ENPP6: variants seen among roughly 807,000 people sequenced by gnomAD.
ENPP6 encodes the protein ectonucleotide pyrophosphatase/phosphodiesterase 6.
ENPP6 carries 32 observed loss-of-function variants against 42.0 expected under a neutral mutation model. The observed-to-expected ratio is 0.76, with a 90% confidence interval of 0.58 to 1.02. The LOEUF is 1.02. Among genes scored for constraint, ENPP6 ranks in the 50% least tolerant of loss-of-function variants. The pLI, the probability that ENPP6 is intolerant of heterozygous loss-of-function variation, is 0.00. For synonymous variants in ENPP6, 213 were observed against 216.0 expected, an observed-to-expected ratio of 0.99 and a Z score of 0.12; for missense variants, 552 against 566.8, an observed-to-expected ratio of 0.97 and a Z score of 0.27.
chr4:184,120,836 G>T (rs769325858), intron 3 of ENPP6, among the ~76,000 whole-genome samples: 1 of 152,170 alleles, frequency 6.6e-6, no homozygotes, highest in South Asian at 2.1e-4. Context: ...ACTCCCTGTC[G>T]CTGTCTCAAT....
chr4:184,091,509 T>C (rs1440486989), intron 7 of ENPP6, 127 bp from the exon 8 acceptor site: 1 of 845,060 alleles, frequency 1.2e-6, no homozygotes, highest in Admixed American at 2.7e-5. Flanking sequence ...GCTCCATCAG[T>C]GGGGTGTGGC....
chr4:184,149,581 G>T (rs1736988502), intron 2 of ENPP6, among the ~76,000 whole-genome samples: 1 of 152,114 alleles, frequency 6.6e-6, no homozygotes, highest in Non-Finnish European at 1.5e-5. Flanking sequence ...GAAGAGCCCA[G>T]ACCCACACCC....
At chr4:184,131,178 T>C (rs1736609712) in intron 2 of ENPP6, among the ~76,000 whole-genome samples, 2 of 61,132 alleles carry the variant, frequency 3.3e-5, no homozygotes, top group Non-Finnish European at 3.4e-5. Context: ...TCTTTCTTTC[T>C]TTCTTTCTTT....
At chr4:184,209,266 C>T (rs1055637094) in intron 1 of ENPP6, among the ~76,000 whole-genome samples, 23 of 150,580 alleles carry the variant, frequency 1.5e-4, no homozygotes, top group African/African-American at 4.9e-4. Flanking sequence ...GAGAAGAAGG[C>T]TTCAGACGAT....
rs144106261 is a variant in ENPP6 at position 184,163,769 on chromosome 4, C to T, written c.242-10036G>A. Among the ~76,000 whole-genome samples the T allele has an allele frequency of 5.5e-3, 841 of 152,240 alleles. 12 individuals are homozygous for T. Among genetic ancestry groups the T allele is most frequent in the African/African-American group, 0.019 (781 of 41,536 alleles). Reference sequence around the variant, plus strand: ...TTTCTCTGAGGCCTATGTGTGTTTCCGTCAGGCGACAGTGGTTGTGTCTAC... The same window carrying T: ...TTTCTCTGAGGCCTATGTGTGTTTCTGTCAGGCGACAGTGGTTGTGTCTAC... On this transcript the variant is annotated intron_variant, in intron 1 of 7. Transcript: ENST00000296741.
chr4:184,143,008 C>A (rs1004911019), intron 2 of ENPP6, among the ~76,000 whole-genome samples: 6 of 152,164 alleles, frequency 3.9e-5, no homozygotes, highest in African/African-American at 1.4e-4. Context: ...TGCCTCATGA[C>A]CTTCTCAATC....
chr4:184,118,264 G>C (rs572952947), intron 3 of ENPP6, among the ~76,000 whole-genome samples: 4 of 152,282 alleles, frequency 2.6e-5, no homozygotes, highest in African/African-American at 9.6e-5. Flanking sequence ...CTGTTTAGGT[G>C]TCCACACTTC....
chr4:184,190,920 G>A (rs916560862), intron 1 of ENPP6, among the ~76,000 whole-genome samples: 5 of 152,184 alleles, frequency 3.3e-5, no homozygotes, highest in Non-Finnish European at 7.3e-5. Flanking sequence ...CTCAACCCCA[G>A]AAGCGCTTAT....
intron 1 of ENPP6, among the ~76,000 whole-genome samples, chr4:184,177,125 G>T (rs1045579904): frequency 7.2e-5 from 11 of 152,284 alleles, no homozygotes; most frequent in Admixed American, 4.6e-4. Context: ...GAGTTCACAG[G>T]GGGAGGGGTT....
chr4:184,185,041 CAA>C (rs1292350639), intron 1 of ENPP6, among the ~76,000 whole-genome samples: 2 of 152,100 alleles, frequency 1.3e-5, no homozygotes, highest in African/African-American at 4.8e-5. Context: ...GAGAGATAAT[CAA>C]AGAATTTTCT....
chr4:184,153,883 T>C (rs1737106963), intron 1 of ENPP6, 150 bp from the exon 2 acceptor site: 1 of 938,460 alleles, frequency 1.1e-6, no homozygotes. Flanking sequence ...AAATCAGATT[T>C]TTTTTTCTTA....
chr4:184,169,573 C>T (rs916959640), intron 1 of ENPP6, among the ~76,000 whole-genome samples: 1 of 152,230 alleles, frequency 6.6e-6, no homozygotes, highest in African/African-American at 2.4e-5. Context: ...GCCGTCATCA[C>T]GTTTCTGGCC....
At position 184,175,325 on chromosome 4, in the gene ENPP6, A is replaced by G. The variant is rs1052844839; in HGVS notation, c.242-21592T>C. 8.7e-4 allele frequency among the ~76,000 whole-genome samples: 132 copies of G among 152,302 alleles called. 1 individual carries two copies. Among genetic ancestry groups the G allele is most frequent in the African/African-American group, 3.0e-3 (126 of 41,574 alleles). ...CTTAAAAATCAGTACAGGGCCATAA[A>G]TCACATGATTTTTTCCCTCTTAGAG... is the stretch of plus-strand genomic sequence containing the variant. On this transcript the variant is annotated intron_variant, in intron 1 of 7. Transcript: ENST00000296741.
intron 2 of ENPP6, among the ~76,000 whole-genome samples, chr4:184,143,357 C>G (rs1415559754): frequency 6.6e-6 from 1 of 152,222 alleles, no homozygotes; most frequent in Non-Finnish European, 1.5e-5. Context: ...TTCTGAGCCA[C>G]TCATAGGAAG....
intron 1 of ENPP6, among the ~76,000 whole-genome samples, chr4:184,189,857 G>T (rs575527619): frequency 2.5e-4 from 38 of 152,302 alleles, no homozygotes; most frequent in African/African-American, 6.7e-4. Flanking sequence ...AGAGGAGCGA[G>T]CCAGCCAGAG....
intron 1 of ENPP6, among the ~76,000 whole-genome samples, chr4:184,216,406 T>TC (rs1466195477): frequency 2.6e-5 from 4 of 152,208 alleles, no homozygotes; most frequent in Admixed American, 1.3e-4. Context: ...GAAGTATCTC[T>TC]CCCCTTCAGT....
intron 6 of ENPP6, among the ~76,000 whole-genome samples, chr4:184,110,759 A>T (rs911060359): frequency 6.6e-6 from 1 of 152,168 alleles, no homozygotes; most frequent in African/African-American, 2.4e-5. Context: ...CAATCCTGGA[A>T]TTGCCTGCCT....
At chr4:184,217,451 C>G in intron 1 of ENPP6, 128 bp downstream of exon 1, 2 of 1,305,732 alleles carry the variant, frequency 1.5e-6, no homozygotes, top group East Asian at 2.4e-5. Flanking sequence ...TTTTTTTTAT[C>G]TACCTTTGAT....
chr4:184,145,141 C>A (rs1736896980), intron 2 of ENPP6, among the ~76,000 whole-genome samples: 1 of 152,234 alleles, frequency 6.6e-6, no homozygotes, highest in Non-Finnish European at 1.5e-5. Context: ...GACCCTGAAA[C>A]ACAGTTCACT....
Sources: allele counts gnomAD v4.1 joint callset (sites outside exome capture counted in the v4.1 genomes callset), GRCh38; gene constraint gnomAD v4.1.1; transcripts MANE v1.5; gene names NCBI Gene and HGNC (gene_info 2026-07-23, HGNC 2026-07-21).